Variants in SPARCL1 observed in about 807,000 individuals in gnomAD.
SPARCL1 encodes the protein SPARC-like protein 1.
A neutral mutation model predicts 67.1 loss-of-function variants in SPARCL1; 52 were observed. The observed-to-expected ratio is 0.78, with a 90% CI of 0.62 to 0.98. The LOEUF is 0.98. Among genes scored for constraint, SPARCL1 ranks in the 50% least tolerant of loss-of-function variants. The pLI is 0.00. For synonymous variants in SPARCL1, 226 were observed against 267.8 expected, an observed-to-expected ratio of 0.84 and a Z score of 1.52; for missense variants, 717 against 782.4, an observed-to-expected ratio of 0.92 and a Z score of 1.00.
chr4:87,473,616 C>T lies in SPARCL1; in HGVS notation c.*159G>A, dbSNP rs574278651. 4.4e-5 allele frequency: 17 copies of T among 387,640 alleles called. No individual in the cohort carries two copies. The highest frequency in any genetic ancestry group is 3.4e-4 in the African/African-American group (14 of 41,672). 24.0% of individuals were successfully genotyped at this position (387,640 alleles called of 1,614,324 possible). On this transcript the variant is annotated 3_prime_UTR_variant, in exon 11 of 11. Transcript: ENST00000282470. Reference sequence around the variant, plus strand: ...TGTTTCCAAAGTTAATGTTAAATACCTGGTGCATAGGTTGTTGTCAAGCAA... The same window carrying T: ...TGTTTCCAAAGTTAATGTTAAATACTTGGTGCATAGGTTGTTGTCAAGCAA...
intron 1 of SPARCL1, among the ~76,000 whole-genome samples, chr4:87,514,766 G>A (rs971004168): frequency 3.3e-5 from 5 of 152,142 alleles, no homozygotes; most frequent in African/African-American, 1.2e-4. Flanking sequence ...GAGCAAATGT[G>A]CTGATTGTAT....
chr4:87,491,971 AG>A lies in SPARCL1; in HGVS notation c.1219-282del, dbSNP rs1414706002. On this transcript the variant is annotated intron_variant, in intron 4 of 10. Transcript: ENST00000282470. Reference sequence around the variant, plus strand: ...CCCCCCCCCCAAAAAAAAAAAAATTAGCTGGGCATGATGGTGCATGCCTGTG... The same window carrying A: ...CCCCCCCCCCAAAAAAAAAAAAATTACTGGGCATGATGGTGCATGCCTGTG... 7.3e-4 allele frequency among the ~76,000 whole-genome samples: 94 copies of A among 127,982 alleles called. 1 individual carries two copies. The highest frequency in any genetic ancestry group is 2.5e-3 in the African/African-American group (91 of 36,258). The allele number at this position is 127,982 out of a possible 152,430, so 84.0% of individuals were successfully genotyped here. A position where few individuals can be genotyped will look rare whatever the true frequency, so the allele number is the denominator to read the frequency against.
intron 10 of SPARCL1, among the ~76,000 whole-genome samples, chr4:87,474,546 A>G (rs1000786282): frequency 6.6e-6 from 1 of 152,118 alleles, no homozygotes; most frequent in Non-Finnish European, 1.5e-5. Context: ...GTTAAGGCTA[A>G]TTCCTCTACC....
At chr4:87,513,593 A>C (rs909184721) in intron 1 of SPARCL1, among the ~76,000 whole-genome samples, 2 of 152,030 alleles carry the variant, frequency 1.3e-5, no homozygotes, top group Non-Finnish European at 2.9e-5. Context: ...TTACACATGC[A>C]AATGATTATT....
intron 7 of SPARCL1, among the ~76,000 whole-genome samples, chr4:87,483,068 C>A (rs927559301): frequency 6.7e-6 from 1 of 149,134 alleles, no homozygotes; most frequent in South Asian, 2.1e-4. Context: ...CTCCCCAGAG[C>A]TCAGGATCAC....
intron 1 of SPARCL1, among the ~76,000 whole-genome samples, chr4:87,522,640 AACACAC>A (rs57929830): frequency 0.17 from 22,691 of 131,740 alleles, 1,890 homozygotes; most frequent in East Asian, 0.33. Context: ...ACCACCACCA[AACACAC>A]ACACACACAC....
chr4:87,516,027 T>G (rs931503039), intron 1 of SPARCL1, among the ~76,000 whole-genome samples: 6 of 152,242 alleles, frequency 3.9e-5, no homozygotes, highest in Non-Finnish European at 8.8e-5. Flanking sequence ...ATAGAAATGA[T>G]GTTCTGGGAC....
chr4:87,488,312 A>G (rs1001488510), intron 7 of SPARCL1, among the ~76,000 whole-genome samples: 3 of 151,968 alleles, frequency 2.0e-5, no homozygotes, highest in Admixed American at 2.0e-4. Flanking sequence ...TGTTGATGCT[A>G]TTCCTTTCTG....
chr4:87,482,434 T>C lies in SPARCL1; in HGVS notation c.1658A>G (p.Gln553Arg), dbSNP rs1260652908. The change falls in exon 8 of 11, where the codon CAG becomes CGG. Residue 553 changes from glutamine to arginine, a missense_variant. Transcript: ENST00000282470. Reference protein sequence around the residue: ...SEHAGYLNEKQRNKVKKIYLD... With the variant: ...SEHAGYLNEKRRNKVKKIYLD... ...CTGTGGATAACTTACTTTATTTCTC[T>C]GCTTCTCATTTAGATAACCAGCGTG... 8 of 1,613,560 alleles carry C rather than the reference T, an allele frequency of 5.0e-6. No individual in the cohort carries two copies. The highest frequency in any genetic ancestry group is 6.8e-6 in the Non-Finnish European group (8 of 1,179,888).
At chr4:87,504,185 T>TGGGGGGG (rs1553970330) in intron 1 of SPARCL1, among the ~76,000 whole-genome samples, 2 of 19,058 alleles carry the variant, frequency 1.0e-4, no homozygotes, top group Admixed American at 8.0e-4. Flanking sequence ...GTGTGTGTGG[T>TGGGGGGG]GGGGTGGGGG....
intron 1 of SPARCL1, among the ~76,000 whole-genome samples, chr4:87,515,409 C>T (rs956699839): frequency 2.6e-5 from 4 of 152,178 alleles, no homozygotes; most frequent in Admixed American, 2.0e-4. Flanking sequence ...GTTATCATAT[C>T]TTTGAAACAT....
chr4:87,522,679 A>ACACACACACG (rs1449786114), intron 1 of SPARCL1, among the ~76,000 whole-genome samples: 8 of 148,260 alleles, frequency 5.4e-5, no homozygotes, highest in African/African-American at 2.0e-4. Context: ...ACACACACAC[A>ACACACACACG]CACGCACACA....
chr4:87,499,537 G>T lies in SPARCL1; in HGVS notation c.38C>A (p.Thr13Asn), dbSNP rs1335536774. 2 of 1,599,202 alleles carry T rather than the reference G, an allele frequency of 1.3e-6. No individual in the cohort carries two copies. Among genetic ancestry groups the T allele is most frequent in the East Asian group, 4.5e-5 (2 of 44,540 alleles). ...GAAATTTACCGGGATTGCAGCTGCA[G>T]TTCCCAAGAGACATAGGAAAAAAAG... The part of the protein sequence containing the change: ...TGLFFLCLLG[T>N]AAAIPTNARL... Residue 13 changes from threonine (T) to asparagine (N), a missense_variant, in exon 2 of 11, where the codon ACT becomes AAT. By Grantham distance (65) the Thr-to-Asn change is moderately conservative. Transcript: ENST00000282470.
At chr4:87,517,399 C>T (rs1012485724) in intron 1 of SPARCL1, among the ~76,000 whole-genome samples, 2 of 152,112 alleles carry the variant, frequency 1.3e-5, no homozygotes, top group South Asian at 2.1e-4. Context: ...AAAGTCCTGG[C>T]GTTTGTGACG....
intron 1 of SPARCL1, among the ~76,000 whole-genome samples, chr4:87,509,450 C>T (rs1725255806): frequency 6.6e-6 from 1 of 152,116 alleles, no homozygotes; most frequent in South Asian, 2.1e-4. Flanking sequence ...TTCTTAACTA[C>T]TGTATAGAGA....
In SPARCL1 at chr4:87,490,832, T is replaced by C. The variant is rs746170845; in HGVS notation, c.1338A>G (p.Ala446=). 3.1e-5 allele frequency: 50 copies of C among 1,612,606 alleles called. No individual in the cohort carries two copies. Among genetic ancestry groups the C allele is most frequent in the Non-Finnish European group, 4.2e-5 (50 of 1,179,240 alleles). The change falls in exon 6 of 11, where the codon GCA becomes GCG. Residue 446 remains alanine (A), a synonymous_variant. Coordinates refer to ENST00000282470, the MANE Select transcript of SPARCL1 (RefSeq NM_004684.6). ...FQCKRGHICK[A]DQQGKPHCVC... ...CACAGTGAGGTTTTCCCTGTTGGTC[T>C]GCCTTACAGATGTGGCCTCTTTTAC...
intron 1 of SPARCL1, among the ~76,000 whole-genome samples, chr4:87,507,933 A>C (rs1272148257): frequency 6.6e-6 from 1 of 152,256 alleles, no homozygotes; most frequent in Non-Finnish European, 1.5e-5. Context: ...GGATATTACA[A>C]AAAGATACAA....
chr4:87,486,824 T>C (rs985978967), intron 7 of SPARCL1, among the ~76,000 whole-genome samples: 18 of 151,508 alleles, frequency 1.2e-4, no homozygotes, highest in African/African-American at 4.1e-4. Flanking sequence ...ATGCCCTTCT[T>C]TGTGTTTTTT....
chr4:87,507,150 C>T (rs1416073406), intron 1 of SPARCL1, among the ~76,000 whole-genome samples: 1 of 152,128 alleles, frequency 6.6e-6, no homozygotes, highest in African/African-American at 2.4e-5. Context: ...AGGAGTATTT[C>T]CGACATTCAT....
Sources: gnomAD v4.1 joint callset for allele counts (sites outside exome capture counted in the v4.1 genomes callset) on GRCh38, gnomAD v4.1.1 for gene constraint, MANE v1.5 for transcripts, NCBI Gene and HGNC (gene_info 2026-07-23, HGNC 2026-07-21) for gene names.